PRIM2: variants seen among roughly 807,000 people sequenced by gnomAD.
The protein encoded by PRIM2 is DNA primase subunit 2.
PRIM2 carries 39 observed loss-of-function variants against 67.3 expected under a neutral mutation model. The observed-to-expected ratio is 0.58, with a 90% CI of 0.45 to 0.76. The LOEUF (loss-of-function observed/expected upper bound fraction) is 0.76. PRIM2 is among the 30% of genes least tolerant of loss of function. PRIM2 has a pLI of 0.00. For missense variants in PRIM2, 398 were observed against 598.7 expected, an observed-to-expected ratio of 0.66 and a Z score of 3.50; for synonymous variants, 143 against 198.7, an observed-to-expected ratio of 0.72 and a Z score of 2.36.
chr6:57,480,027 G>C (rs1773576751), intron 7 of PRIM2, among the ~76,000 whole-genome samples: 1 of 152,212 alleles, frequency 6.6e-6, no homozygotes, highest in African/African-American at 2.4e-5. Flanking sequence ...GATTTATCAA[G>C]AGATGGGGAT....
the PRIM2 span, among the ~76,000 whole-genome samples, chr6:57,240,706 A>G: frequency 6.6e-6 from 1 of 152,286 alleles, no homozygotes; most frequent in Admixed American, 6.5e-5. Context: ...AGAATACATA[A>G]CATGTTTGAA....
chr6:57,509,233 G>A (rs1357538600), intron 8 of PRIM2, among the ~76,000 whole-genome samples: 1 of 151,586 alleles, frequency 6.6e-6, no homozygotes, highest in Non-Finnish European at 1.5e-5. Flanking sequence ...TAATTGTTTT[G>A]TTGGGTTGAT....
At chr6:57,645,882 T>C in intron 13 of PRIM2, 46 bp from the exon 14 acceptor site, 1 of 1,056,392 alleles carries the variant, frequency 9.5e-7, no homozygotes, top group South Asian at 1.4e-5. Context: ...CATATATTTA[T>C]AGCTTTGCCA....
At chr6:57,342,546 CT>C (rs1226822957) in intron 5 of PRIM2, among the ~76,000 whole-genome samples, 3 of 152,166 alleles carry the variant, frequency 2.0e-5, no homozygotes, top group Non-Finnish European at 4.4e-5. Context: ...TACTTGGATG[CT>C]TTTTAAAACC....
intron 10 of PRIM2, among the ~76,000 whole-genome samples, chr6:57,583,719 T>G (rs1776140292): frequency 6.6e-6 from 1 of 152,248 alleles, no homozygotes; most frequent in South Asian, 2.1e-4. Context: ...TCAAATGGTA[T>G]TTCTAGTTCT....
At chr6:57,426,320 T>C (rs1406745409) in intron 7 of PRIM2, among the ~76,000 whole-genome samples, 18 of 152,372 alleles carry the variant, frequency 1.2e-4, no homozygotes, top group African/African-American at 4.3e-4. Flanking sequence ...TAGAGTTTTA[T>C]GTAAGTAGAC....
intron 7 of PRIM2, among the ~76,000 whole-genome samples, chr6:57,414,095 C>T (rs1432090010): frequency 6.6e-6 from 1 of 152,062 alleles, no homozygotes; most frequent in South Asian, 2.1e-4. Context: ...GGGAATAAGT[C>T]ATGGTATAGG....
At chr6:57,249,817 G>T in the PRIM2 span, among the ~76,000 whole-genome samples, 1 of 152,190 alleles carries the variant, frequency 6.6e-6, no homozygotes, top group Non-Finnish European at 1.5e-5. Context: ...ATAGGATGGA[G>T]ACTGGAGATG....
At chr6:57,513,905 A>G (rs1774424072) in intron 8 of PRIM2, among the ~76,000 whole-genome samples, 1 of 152,208 alleles carries the variant, frequency 6.6e-6, no homozygotes. Context: ...CATTTTTAAA[A>G]TGCGTATTTG....
chr6:57,358,419 G>C (rs1769099901), intron 5 of PRIM2, among the ~76,000 whole-genome samples: 1 of 152,198 alleles, frequency 6.6e-6, no homozygotes, highest in Non-Finnish European at 1.5e-5. Context: ...CCCAGATTCA[G>C]TGTGTGGTGT....
At chr6:57,535,388 G>T (rs1169421556) in intron 9 of PRIM2, among the ~76,000 whole-genome samples, 1 of 152,110 alleles carries the variant, frequency 6.6e-6, no homozygotes, top group Admixed American at 6.5e-5. Flanking sequence ...CTTCTGTGGT[G>T]CTCAAGTTTT....
intron 5 of PRIM2, 179 bp downstream of exon 5, chr6:57,326,224 G>GT: frequency 2.4e-6 from 1 of 419,664 alleles, no homozygotes; most frequent in Non-Finnish European, 3.6e-6. Context: ...TAGAAGAAAA[G>GT]GACTCCTTAA....
intron 10 of PRIM2, among the ~76,000 whole-genome samples, chr6:57,592,128 T>G (rs1276803552): frequency 2.0e-5 from 3 of 151,898 alleles, no homozygotes; most frequent in African/African-American, 7.3e-5. Context: ...TGGGTACGCA[T>G]GGACATAAAT....
intron 7 of PRIM2, among the ~76,000 whole-genome samples, chr6:57,464,323 G>T (rs1773115449): frequency 6.6e-6 from 1 of 151,428 alleles, no homozygotes; most frequent in African/African-American, 2.4e-5. Context: ...TGTCACCCAG[G>T]CTGGAGGGCA....
chr6:57,595,098 A>G (rs1254064017), intron 10 of PRIM2, among the ~76,000 whole-genome samples: 5,177 of 152,300 alleles, frequency 0.034, 288 homozygotes, highest in African/African-American at 0.12. Flanking sequence ...AAAATTAGCA[A>G]TATTGATCAT....
In PRIM2 at chr6:57,611,481, C is replaced by T. The variant is rs1335344029; in HGVS notation, c.1230+5024C>T. On this transcript the variant is annotated intron_variant, in intron 12 of 13. Coordinates refer to ENST00000615550, the MANE Select transcript of PRIM2 (RefSeq NM_000947.5). ...AATAGACCCACATATATATGGGCAA[C>T]GGATTTTTAAACAAAGGTGCCAGGG... is the stretch of plus-strand genomic sequence containing the variant. Among the ~76,000 whole-genome samples, 8 of 152,014 alleles carry T rather than the reference C, an allele frequency of 5.3e-5. 1 individual carries two copies. Among genetic ancestry groups the T allele is most frequent in the African/African-American group, 1.4e-4 (6 of 41,400 alleles).
At position 57,542,939 on chromosome 6, in the gene PRIM2, A is replaced by ATTTTTTTTTTTTTTTTTTTTT; in HGVS notation, c.1020+5333_1020+5334insTTTTTTTTTTTTTTTTTTTTT. Among the ~76,000 whole-genome samples the ATTTTTTTTTTTTTTTTTTTTT allele has an allele frequency of 5.4e-3, 385 of 71,838 alleles. 87 individuals are homozygous for ATTTTTTTTTTTTTTTTTTTTT. The highest frequency in any genetic ancestry group is 7.8e-3 in the Non-Finnish European group (304 of 38,780). The allele number at this position is 71,838 out of a possible 152,430, so 47.1% of individuals were successfully genotyped here. A position where few individuals can be genotyped will look rare whatever the true frequency, so the allele number is the denominator to read the frequency against. ...GTTGGCTTAAAATACTGCTTATAGG[A>ATTTTTTTTTTTTTTTTTTTTT]TTTTTTTTTTTTTTTTTTTGAGACG... On this transcript the variant is annotated intron_variant, in intron 10 of 13. Transcript: ENST00000615550.
chr6:57,471,183 A>G (rs1414149502), intron 7 of PRIM2, among the ~76,000 whole-genome samples: 5 of 152,124 alleles, frequency 3.3e-5, no homozygotes, highest in Admixed American at 2.0e-4. Context: ...GAAAAGGTAC[A>G]AAGACTGTGA....
chr6:57,310,786 C>T (rs9475830), upstream of PRIM2, among the ~76,000 whole-genome samples: 648 of 148,036 alleles, frequency 4.4e-3, 3 homozygotes, highest in African/African-American at 0.015. Context: ...AGACAAAGAG[C>T]GGCCAGGCAG....
Sources: allele counts gnomAD v4.1 joint callset (sites outside exome capture counted in the v4.1 genomes callset), GRCh38; gene constraint gnomAD v4.1.1; transcripts MANE v1.5; gene names NCBI Gene and HGNC (gene_info 2026-07-23, HGNC 2026-07-21).